Variants in MAK observed in about 807,000 individuals in gnomAD.
The protein encoded by MAK is male germ cell associated kinase, also known as serine/threonine-protein kinase MAK.
Under a neutral mutation model 82.6 loss-of-function variants are expected in MAK, and 65 were observed. That is an observed-to-expected ratio of 0.79 (90% CI 0.64 to 0.97). The LOEUF is 0.97. Ranked by LOEUF, MAK falls within the 50% of genes least tolerant of loss-of-function variation. The probability of loss-of-function intolerance (pLI) is 0.00; values close to 1 mark genes in which losing one functional copy is unlikely to be tolerated. For missense variants in MAK, 703 were observed against 780.2 expected (o/e 0.90, Z 1.18); for synonymous variants, 250 against 274.2 (o/e 0.91, Z 0.87).
rs1264945663 is a variant in MAK at position 10,793,699 on chromosome 6, T to C, written c.1144-1852A>G. ...GTGGCGGGGCTGGGGGCTAGGTTATTCTCTTTAACTTAGAGAATGCACACA... is the reference window on the plus strand; with the variant it reads ...GTGGCGGGGCTGGGGGCTAGGTTATCCTCTTTAACTTAGAGAATGCACACA... On this transcript the variant is annotated intron_variant, in intron 9 of 14. Coordinates refer to ENST00000354489, the MANE Select transcript of MAK (RefSeq NM_001242957.3). This position sits in a 1 kb window ranked among gnomAD's most constrained non-coding sequence, Gnocchi z 4.6. 6.6e-6 allele frequency among the ~76,000 whole-genome samples: 1 copy of C among 152,210 alleles called. No homozygotes were observed. Among genetic ancestry groups the C allele is most frequent in the Non-Finnish European group, 1.5e-5 (1 of 68,036 alleles).
chr6:10,835,257 C>T (rs376251190), intron 1 of MAK, among the ~76,000 whole-genome samples: 1 of 152,186 alleles, frequency 6.6e-6, no homozygotes, highest in African/African-American at 2.4e-5. Context: ...CATCTTTCTA[C>T]GATTTTTCCC....
At chr6:10,816,447 C>T (rs1188516212) in intron 4 of MAK, among the ~76,000 whole-genome samples, 2 of 151,830 alleles carry the variant, frequency 1.3e-5, no homozygotes, top group African/African-American at 2.4e-5. Context: ...TTTTCTTCAA[C>T]AAGGGTATCT....
At chr6:10,786,244 C>T (rs563265794) in intron 10 of MAK, among the ~76,000 whole-genome samples, 53 of 152,216 alleles carry the variant, frequency 3.5e-4, no homozygotes, top group Non-Finnish European at 3.7e-4. Context: ...AGCTCCATCT[C>T]AATCATAATA....
chr6:10,789,743 T>C (rs929134250), intron 10 of MAK, among the ~76,000 whole-genome samples: 3 of 152,188 alleles, frequency 2.0e-5, no homozygotes, highest in Non-Finnish European at 2.9e-5. Context: ...CCACAACCTC[T>C]GCCTCCTGGG....
At chr6:10,815,239 T>C (rs1051926969) in intron 4 of MAK, among the ~76,000 whole-genome samples, 2 of 152,222 alleles carry the variant, frequency 1.3e-5, no homozygotes, top group African/African-American at 4.8e-5. Flanking sequence ...GTACTCCAGC[T>C]TGGGTGACAC....
At chr6:10,787,792 C>T (rs1362558213) in intron 10 of MAK, among the ~76,000 whole-genome samples, 4 of 149,112 alleles carry the variant, frequency 2.7e-5, no homozygotes, top group Non-Finnish European at 5.9e-5. Flanking sequence ...ACCCAGGAGG[C>T]GGAGCTTGCA....
chr6:10,820,239 ATC>A (rs1015619137), intron 2 of MAK, among the ~76,000 whole-genome samples: 3 of 152,208 alleles, frequency 2.0e-5, no homozygotes, highest in African/African-American at 7.2e-5. Flanking sequence ...TAGTATTATA[ATC>A]TCCTATCGAG....
chr6:10,817,397 C>T (rs1468660882), intron 4 of MAK, among the ~76,000 whole-genome samples: 1 of 152,138 alleles, frequency 6.6e-6, no homozygotes, highest in Non-Finnish European at 1.5e-5. Flanking sequence ...GGTAACACAT[C>T]AAGTCTTATC....
intron 2 of MAK, chr6:10,829,209 A>G (rs1360111966): frequency 6.6e-6 from 1 of 152,238 alleles, no homozygotes; most frequent in African/African-American, 2.4e-5. Context: ...TTAAATCACT[A>G]AGCTTTGCAG....
At chr6:10,807,244 C>T (rs188218155) in intron 6 of MAK, among the ~76,000 whole-genome samples, 6 of 151,944 alleles carry the variant, frequency 3.9e-5, no homozygotes, top group Admixed American at 1.3e-4. Context: ...ATGTAACATT[C>T]CTTTCTCTCC....
At chr6:10,830,124 CGTGTGTGTGT>C (rs35519970) in intron 2 of MAK, among the ~76,000 whole-genome samples, 49 of 141,588 alleles carry the variant, frequency 3.5e-4, no homozygotes, top group African/African-American at 8.2e-4. Context: ...CCTGTGTGCA[CGTGTGTGTGT>C]GTGTGTGTGT....
intron 14 of MAK, among the ~76,000 whole-genome samples, chr6:10,767,901 T>C (rs1326694832): frequency 6.6e-6 from 1 of 152,166 alleles, no homozygotes; most frequent in African/African-American, 2.4e-5. Context: ...GGTAATGACC[T>C]GGTTTTATTT....
chr6:10,831,864 C>G (rs1778837335), intron 1 of MAK, among the ~76,000 whole-genome samples: 1 of 152,104 alleles, frequency 6.6e-6, no homozygotes, highest in Admixed American at 6.5e-5. Context: ...TATGGATGAA[C>G]AAAGAAACTG....
At chr6:10,831,230 A>G (rs1322177826) in intron 1 of MAK, among the ~76,000 whole-genome samples, 1 of 152,152 alleles carries the variant, frequency 6.6e-6, no homozygotes, top group Non-Finnish European at 1.5e-5. Flanking sequence ...TATCATATTT[A>G]ATTTGGCATA....
chr6:10,797,763 A>G, intron 8 of MAK: 1 of 1,233,776 alleles, frequency 8.1e-7, no homozygotes, highest in East Asian at 6.0e-5. Flanking sequence ...GTGTAAGGGC[A>G]GTTTTTAGAG....
chr6:10,801,477 G>GT (rs1432877427), intron 8 of MAK, among the ~76,000 whole-genome samples: 2 of 152,212 alleles, frequency 1.3e-5, no homozygotes, highest in African/African-American at 4.8e-5. Flanking sequence ...GGATGATACT[G>GT]TTGTATAAAG....
At chr6:10,773,192 A>T (rs1773174350) in intron 12 of MAK, 84 bp from the exon 13 acceptor site, 1 of 752,608 alleles carries the variant, frequency 1.3e-6, no homozygotes, top group Admixed American at 3.0e-5. Context: ...TTAGATGATT[A>T]ATGAAAAGAT....
intron 4 of MAK, among the ~76,000 whole-genome samples, chr6:10,817,288 C>T (rs1325857688): frequency 2.0e-5 from 3 of 152,122 alleles, no homozygotes; most frequent in Non-Finnish European, 4.4e-5. Context: ...AGAACCACCA[C>T]CAAAACATTA....
intron 2 of MAK, among the ~76,000 whole-genome samples, chr6:10,819,767 T>C (rs1192610932): frequency 6.6e-6 from 1 of 152,108 alleles, no homozygotes; most frequent in Non-Finnish European, 1.5e-5. Context: ...TATATGAACA[T>C]GTGTTTTTAT....
Sources: gnomAD v4.1 joint callset for allele counts (sites outside exome capture counted in the v4.1 genomes callset) on GRCh38, gnomAD v4.1.1 for gene constraint, Gnocchi (gnomAD v3.1) non-coding constraint, MANE v1.5 for transcripts, NCBI Gene and HGNC (gene_info 2026-07-23, HGNC 2026-07-21) for gene names.